PCDH15: variants seen among roughly 807,000 people sequenced by gnomAD.
PCDH15 encodes the protein protocadherin-15.
PCDH15 carries 129 observed loss-of-function variants against 178.5 expected under a neutral mutation model. The observed-to-expected ratio is 0.72, with a 90% CI of 0.63 to 0.84. PCDH15 has a LOEUF of 0.84. PCDH15 is among the 40% of genes least tolerant of loss of function. PCDH15 has a pLI of 0.00. For synonymous variants in PCDH15, 800 were observed against 732.0 expected (o/e 1.09, Z -1.50); for missense variants, 2,230 against 2,099.9 (o/e 1.06, Z -1.21).
intron 2 of PCDH15, among the ~76,000 whole-genome samples, chr10:55,049,518 TAGTCTCACGG>T (rs1437876016): frequency 1.3e-5 from 2 of 151,904 alleles, no homozygotes; most frequent in Non-Finnish European, 2.9e-5. Context: ...TATAATTTAA[TAGTCTCACGG>T]AGAAAAGTGC....
At chr10:55,547,971 G>A (rs1841926844) in intron 2 of PCDH15, among the ~76,000 whole-genome samples, 1 of 150,936 alleles carries the variant, frequency 6.6e-6, no homozygotes, top group South Asian at 2.1e-4. Context: ...GAGAAACAGA[G>A]AGCTGACGAG....
rs972174845 is a variant in PCDH15 at position 54,316,531 on chromosome 10, C to T, written c.876+740G>A. Reference sequence around the variant, plus strand: ...TTTTTAAAAACAGAATATGTGTATACACACACACACACACACACACACACA... The same window carrying T: ...TTTTTAAAAACAGAATATGTGTATATACACACACACACACACACACACACA... On this transcript the variant is annotated intron_variant, in intron 8 of 37. Transcript: ENST00000644397. Among the ~76,000 whole-genome samples the T allele has an allele frequency of 1.8e-3, 55 of 30,578 alleles. 1 individual carries two copies. Among genetic ancestry groups the T allele is most frequent in the Middle Eastern group, 0.022 (1 of 46 alleles). The allele number at this position is 30,578 out of a possible 152,430, so 20.1% of individuals were successfully genotyped here. A position where few individuals can be genotyped will look rare whatever the true frequency, so the allele number is the denominator to read the frequency against.
chr10:54,208,658 G>T (rs1245802528), intron 10 of PCDH15, among the ~76,000 whole-genome samples: 1 of 151,956 alleles, frequency 6.6e-6, no homozygotes, highest in East Asian at 1.9e-4. Context: ...TATTTCTGTT[G>T]TTTATAATCC....
intron 2 of PCDH15, among the ~76,000 whole-genome samples, chr10:54,907,119 A>G (rs1245112097): frequency 6.6e-6 from 1 of 152,150 alleles, no homozygotes; most frequent in Non-Finnish European, 1.5e-5. Flanking sequence ...CCATGAGTGT[A>G]TATTGGTAGG....
At chr10:55,217,860 A>G (rs1052667751) in intron 1 of PCDH15, among the ~76,000 whole-genome samples, 13 of 151,996 alleles carry the variant, frequency 8.6e-5, no homozygotes, top group Admixed American at 7.2e-4. Flanking sequence ...AAGAAATTTC[A>G]TGTTTGTGGA....
At chr10:54,515,802 C>A (rs930849013) in intron 3 of PCDH15, among the ~76,000 whole-genome samples, 5 of 152,310 alleles carry the variant, frequency 3.3e-5, no homozygotes, top group Admixed American at 3.3e-4. Flanking sequence ...ACCCATCAGG[C>A]AGCAGCATTT....
intron 1 of PCDH15, among the ~76,000 whole-genome samples, chr10:54,742,246 AGACTTTTCCAAATTAT>A (rs1944904486): frequency 6.6e-6 from 1 of 152,024 alleles, no homozygotes; most frequent in South Asian, 2.1e-4. Flanking sequence ...TCTATGTGGG[AGACTTTTCCAAATTAT>A]GAATCTAGAA....
intron 2 of PCDH15, among the ~76,000 whole-genome samples, chr10:55,518,926 C>G (rs1053784623): frequency 2.0e-5 from 3 of 151,600 alleles, no homozygotes; most frequent in Non-Finnish European, 2.9e-5. Context: ...AACCCCGTCT[C>G]TACTAAAAAT....
chr10:54,639,094 T>C (rs917018570), intron 2 of PCDH15, among the ~76,000 whole-genome samples: 1 of 152,274 alleles, frequency 6.6e-6, no homozygotes, highest in Admixed American at 6.5e-5. Context: ...GACGTAAAAT[T>C]CACAGGTGAG....
At chr10:53,923,341 G>A (rs1341941123) in intron 25 of PCDH15, among the ~76,000 whole-genome samples, 6 of 152,108 alleles carry the variant, frequency 3.9e-5, no homozygotes, top group Non-Finnish European at 8.8e-5. Flanking sequence ...ACTTACGAAA[G>A]TTCCTGGGAA....
chr10:55,244,124 C>G (rs907677015), intron 1 of PCDH15, among the ~76,000 whole-genome samples: 4 of 152,006 alleles, frequency 2.6e-5, no homozygotes, highest in Non-Finnish European at 5.9e-5. Context: ...CCACATTGAT[C>G]TGGACCAAAA....
chr10:54,073,786 C>T (rs2094290570), intron 17 of PCDH15, among the ~76,000 whole-genome samples: 1 of 152,118 alleles, frequency 6.6e-6, no homozygotes, highest in African/African-American at 2.4e-5. Context: ...TACAGAATAA[C>T]TTCACATTTT....
At chr10:54,307,296 T>C (rs1319404584) in intron 8 of PCDH15, among the ~76,000 whole-genome samples, 1 of 149,996 alleles carries the variant, frequency 6.7e-6, no homozygotes, top group Non-Finnish European at 1.5e-5. Context: ...TAATTTATAA[T>C]TAGCAGCCAA....
intron 32 of PCDH15, among the ~76,000 whole-genome samples, chr10:53,825,525 C>G (rs1275244699): frequency 2.6e-5 from 4 of 151,648 alleles, no homozygotes; most frequent in Non-Finnish European, 4.4e-5. Context: ...TGCACACTGA[C>G]TTTTAAAGTA....
chr10:55,146,234 C>G (rs1305212123), intron 2 of PCDH15, among the ~76,000 whole-genome samples: 1 of 151,960 alleles, frequency 6.6e-6, no homozygotes, highest in Non-Finnish European at 1.5e-5. Flanking sequence ...CCAAATGACT[C>G]ATAATTGGGC....
intron 2 of PCDH15, among the ~76,000 whole-genome samples, chr10:55,009,716 G>T (rs1234370868): frequency 2.0e-5 from 3 of 152,092 alleles, no homozygotes; most frequent in Non-Finnish European, 4.4e-5. Context: ...AGCATGAAAA[G>T]AAATCTAGTT....
At chr10:55,481,172 C>A (rs1195109800) in intron 2 of PCDH15, among the ~76,000 whole-genome samples, 1 of 151,640 alleles carries the variant, frequency 6.6e-6, no homozygotes, top group Non-Finnish European at 1.5e-5. Context: ...TCTGTGGGGT[C>A]ATTGGTAATA....
At chr10:55,014,963 G>A (rs766931858) in intron 2 of PCDH15, among the ~76,000 whole-genome samples, 2 of 152,108 alleles carry the variant, frequency 1.3e-5, no homozygotes, top group Non-Finnish European at 2.9e-5. Flanking sequence ...GCTCACACCC[G>A]TAATCTCAGC....
intron 1 of PCDH15, among the ~76,000 whole-genome samples, chr10:55,303,400 A>T (rs1381830042): frequency 1.3e-5 from 2 of 152,146 alleles, no homozygotes; most frequent in African/African-American, 2.4e-5. Context: ...GCCCTAAGTT[A>T]TCTCCTGTAT....
Sources: gnomAD v4.1 joint callset for allele counts (sites outside exome capture counted in the v4.1 genomes callset) on GRCh38, gnomAD v4.1.1 for gene constraint, MANE v1.5 for transcripts, NCBI Gene and HGNC (gene_info 2026-07-23, HGNC 2026-07-21) for gene names.